Variants in CTNNA2 observed in about 807,000 individuals in gnomAD.
The protein encoded by CTNNA2 is catenin alpha-2.
CTNNA2 carries 42 observed loss-of-function variants against 101.0 expected under a neutral mutation model. That is an observed-to-expected ratio of 0.42 (90% confidence interval 0.32 to 0.54). CTNNA2 has a LOEUF of 0.54. Ranked by LOEUF, CTNNA2 falls within the 20% of genes least tolerant of loss-of-function variation. The pLI is 0.14. For missense variants in CTNNA2, 871 were observed against 1,223.1 expected, an observed-to-expected ratio of 0.71 and a Z score of 4.29; for synonymous variants, 450 against 456.4, an observed-to-expected ratio of 0.99 and a Z score of 0.18.
chr2:80,232,345 G>GTTTTTTTTTTTTT (rs61454985), intron 7 of CTNNA2, among the ~76,000 whole-genome samples: 70 of 64,780 alleles, frequency 1.1e-3, no homozygotes, highest in African/African-American at 1.6e-3. Context: ...TTGTTTGTTT[G>GTTTTTTTTTTTTT]TTTTTTTTTT....
rs35583561 is a variant in CTNNA2, at chr2:80,204,826, C to CAA, written c.1057-188372_1057-188371dup. Among the ~76,000 whole-genome samples, 1,079 of 136,746 alleles carry CAA rather than the reference C, an allele frequency of 7.9e-3. 13 individuals are homozygous for CAA. Among genetic ancestry groups the CAA allele is most frequent in the African/African-American group, 0.025 (968 of 38,212 alleles). The allele number at this position is 136,746 out of a possible 152,430, so 89.7% of individuals were successfully genotyped here. On this transcript the variant is annotated intron_variant, in intron 7 of 18. Coordinates refer to ENST00000402739, the MANE Select transcript of CTNNA2 (RefSeq NM_001282597.3). The stretch of plus-strand genomic sequence containing the variant: ...GACATACCCAAGACTGGGCAATTTC[C>CAA]AAAAAAAAAAAAAAGATTTATGAAC...
At chr2:79,813,204 A>G (rs1167836685) in intron 3 of CTNNA2, among the ~76,000 whole-genome samples, 1 of 152,160 alleles carries the variant, frequency 6.6e-6, no homozygotes, top group Non-Finnish European at 1.5e-5. Context: ...TTTCTACCAC[A>G]GTTGCTGATC....
At chr2:80,553,647 T>G (rs927839037) in intron 11 of CTNNA2, among the ~76,000 whole-genome samples, 5 of 152,224 alleles carry the variant, frequency 3.3e-5, no homozygotes, top group African/African-American at 9.6e-5. Context: ...TTGTCCATTC[T>G]TGTATTACTG....
At chr2:79,637,673 A>C (rs191421106) in intron 1 of CTNNA2, among the ~76,000 whole-genome samples, 58 of 152,346 alleles carry the variant, frequency 3.8e-4, no homozygotes, top group African/African-American at 1.3e-3. Flanking sequence ...CAATACCTTA[A>C]GGATTTATTA....
intron 4 of CTNNA2, among the ~76,000 whole-genome samples, chr2:79,486,953 C>G (rs1558679261): frequency 6.6e-6 from 1 of 152,252 alleles, no homozygotes; most frequent in East Asian, 1.9e-4. Context: ...ACAAATCATG[C>G]TACATATAGG....
chr2:80,023,842 C>T (rs1694744489), intron 7 of CTNNA2, among the ~76,000 whole-genome samples: 2 of 152,112 alleles, frequency 1.3e-5, no homozygotes, highest in Non-Finnish European at 2.9e-5. Flanking sequence ...AATCCCAGCA[C>T]TTTGGGAGGC....
At position 80,647,999 on chromosome 2, in the gene CTNNA2, T is replaced by C; in HGVS notation, c.*127T>C. 1 of 847,310 alleles carries C rather than the reference T, an allele frequency of 1.2e-6. No individual in the cohort carries two copies. Among genetic ancestry groups the C allele is most frequent in the East Asian group, 2.7e-5 (1 of 37,310 alleles). The allele number at this position is 847,310 out of a possible 1,614,324, so 52.5% of individuals were successfully genotyped here. A position where few individuals can be genotyped will look rare whatever the true frequency, so the allele number is the denominator to read the frequency against. On this transcript the variant is annotated 3_prime_UTR_variant, in exon 19 of 19. Coordinates refer to ENST00000402739, the MANE Select transcript of CTNNA2 (RefSeq NM_001282597.3). ...GCATGGGGAAATTAAGGGAACAGTG[T>C]CTGTTTGCATGTAAGATGAGATGAG...
intron 9 of CTNNA2, among the ~76,000 whole-genome samples, chr2:80,518,912 G>A (rs1689305508): frequency 6.6e-6 from 1 of 151,946 alleles, no homozygotes; most frequent in Non-Finnish European, 1.5e-5. Flanking sequence ...TTCTTTTCCT[G>A]GTTTCTGTTC....
intron 2 of CTNNA2, among the ~76,000 whole-genome samples, chr2:79,729,706 T>A (rs1440762241): frequency 2.0e-5 from 3 of 152,038 alleles, no homozygotes; most frequent in Non-Finnish European, 4.4e-5. Context: ...CCGAGAAGCT[T>A]GAGGCCTCTA....
At chr2:79,886,750 CAAAAAAAAAAAA>C (rs1168632966) in intron 6 of CTNNA2, among the ~76,000 whole-genome samples, 1 of 23,234 alleles carries the variant, frequency 4.3e-5, no homozygotes, top group Non-Finnish European at 6.9e-5. Context: ...GACTCCATCT[CAAAAAAAAAAAA>C]AAAAAAAAAA....
At chr2:79,743,536 A>T (rs1043169691) in intron 2 of CTNNA2, among the ~76,000 whole-genome samples, 32 of 143,764 alleles carry the variant, frequency 2.2e-4, no homozygotes, top group Non-Finnish European at 3.7e-4. Context: ...TATTTTATTT[A>T]TTTTTTTTTT....
intron 2 of CTNNA2, among the ~76,000 whole-genome samples, chr2:79,203,204 C>A (rs1278244855): frequency 1.3e-5 from 2 of 152,090 alleles, no homozygotes; most frequent in Non-Finnish European, 2.9e-5. Flanking sequence ...TGGCAGTCCC[C>A]AAATCTCCAA....
intron 7 of CTNNA2, among the ~76,000 whole-genome samples, chr2:80,322,625 C>G (rs1189296722): frequency 2.0e-5 from 3 of 151,748 alleles, no homozygotes; most frequent in Non-Finnish European, 4.4e-5. Context: ...TGCGCTGCCC[C>G]GGCCGCAGCC....
At chr2:79,230,233 G>A (rs1198801197) in intron 2 of CTNNA2, among the ~76,000 whole-genome samples, 1 of 152,184 alleles carries the variant, frequency 6.6e-6, no homozygotes, top group Non-Finnish European at 1.5e-5. Context: ...CTCATCACAG[G>A]CCCAGAGGCA....
At chr2:79,561,157 A>G (rs1302744020) in intron 1 of CTNNA2, among the ~76,000 whole-genome samples, 1 of 152,018 alleles carries the variant, frequency 6.6e-6, no homozygotes, top group East Asian at 1.9e-4. Flanking sequence ...TCGACATGTT[A>G]TGTAAACTGA....
At chr2:79,672,211 C>A (rs750046875) in intron 2 of CTNNA2, among the ~76,000 whole-genome samples, 28 of 152,132 alleles carry the variant, frequency 1.8e-4, no homozygotes, top group Non-Finnish European at 3.2e-4. Flanking sequence ...GCGTTGGGTT[C>A]TTGAAGTTCG....
intron 2 of CTNNA2, among the ~76,000 whole-genome samples, chr2:79,666,971 T>C (rs1682462006): frequency 6.6e-6 from 1 of 151,766 alleles, no homozygotes; most frequent in Non-Finnish European, 1.5e-5. Context: ...CTAAGTCTCC[T>C]TTTTTTTAAG....
chr2:80,601,067 C>A (rs1422623459), intron 15 of CTNNA2, among the ~76,000 whole-genome samples: 3 of 152,130 alleles, frequency 2.0e-5, no homozygotes, highest in African/African-American at 7.2e-5. Flanking sequence ...AGTAAATATT[C>A]CCATTATGGC....
intron 4 of CTNNA2, among the ~76,000 whole-genome samples, chr2:79,868,394 A>G (rs1267745168): frequency 6.6e-6 from 1 of 152,134 alleles, no homozygotes; most frequent in Non-Finnish European, 1.5e-5. Flanking sequence ...GAGTTAGCCT[A>G]TTTGGTAAAT....
Sources: allele counts gnomAD v4.1 joint callset (sites outside exome capture counted in the v4.1 genomes callset), GRCh38; gene constraint gnomAD v4.1.1; transcripts MANE v1.5; gene names NCBI Gene and HGNC (gene_info 2026-07-23, HGNC 2026-07-21).